Variants in COPG2 observed in about 807,000 individuals in gnomAD.
COPG2 encodes coat protein complex I subunit gamma 2.
In COPG2, 37 loss-of-function variants were observed where a neutral mutation model predicts 46.3. That is an observed-to-expected ratio of 0.80 (90% CI 0.61 to 1.05). The LOEUF (loss-of-function observed/expected upper bound fraction) is 1.05, where lower values mean the gene tolerates loss of function less well. Among genes scored for constraint, COPG2 ranks in the 50% least tolerant of loss-of-function variants. The pLI, the probability that COPG2 is intolerant of heterozygous loss-of-function variation, is 0.00. For missense variants in COPG2, 427 were observed against 387.8 expected (o/e 1.10, Z -0.85); for synonymous variants, 159 against 129.7 (o/e 1.23, Z -1.53).
chr7:130,599,392 A>T (rs1554450069), intron 9 of COPG2, among the ~76,000 whole-genome samples: 1 of 152,172 alleles, frequency 6.6e-6, no homozygotes, highest in Non-Finnish European at 1.5e-5. Context: ...ACTAAGTCAC[A>T]CACCCATTGG....
chr7:130,579,863 A>G (rs1440611843), intron 9 of COPG2, among the ~76,000 whole-genome samples: 1 of 152,306 alleles, frequency 6.6e-6, no homozygotes, highest in African/African-American at 2.4e-5. Flanking sequence ...GAGTAACCTA[A>G]AAAGAGACTT....
chr7:130,570,063 A>G (rs1406167998), intron 9 of COPG2, among the ~76,000 whole-genome samples: 2 of 152,222 alleles, frequency 1.3e-5, no homozygotes, highest in African/African-American at 4.8e-5. Flanking sequence ...CCTTAAAGTA[A>G]TAAAAGCCAT....
chr7:130,586,528 T>C (rs368121940), intron 9 of COPG2, among the ~76,000 whole-genome samples: 45 of 152,174 alleles, frequency 3.0e-4, no homozygotes, highest in African/African-American at 9.1e-4. Flanking sequence ...AGTGGCGCTA[T>C]CTCGGCTCAC....
At chr7:130,578,723 C>T (rs558223597) in intron 9 of COPG2, among the ~76,000 whole-genome samples, 3 of 151,974 alleles carry the variant, frequency 2.0e-5, no homozygotes, top group Non-Finnish European at 4.4e-5. Flanking sequence ...GGAGCCAATG[C>T]GATCAACTGG....
Position 130,554,735 on chromosome 7 carries a change from A to G in COPG2, c.1225-11T>C. On this transcript the variant is annotated splice_polypyrimidine_tract_variant and intron_variant, in intron 13 of 23. Transcript: ENST00000425248. ...GTACTCAAAGCCTCCCTGGCAAAAA[A>G]GAAGATAAAACTGCCATTCATTCTA... 2.5e-6 allele frequency: 1 copy of G among 398,638 alleles called. No individual in the cohort carries two copies. Among genetic ancestry groups the G allele is most frequent in the Admixed American group, 4.4e-5 (1 of 22,734 alleles). 24.7% of individuals were successfully genotyped at this position (398,638 alleles called of 1,614,324 possible). A position where few individuals can be genotyped will look rare whatever the true frequency, so the allele number is the denominator to read the frequency against.
chr7:130,597,791 T>A (rs782794607), intron 9 of COPG2, among the ~76,000 whole-genome samples: 1 of 152,214 alleles, frequency 6.6e-6, no homozygotes, highest in Non-Finnish European at 1.5e-5. Flanking sequence ...AACCCAATAT[T>A]GATGCTGGCC....
At chr7:130,653,340 G>A (rs992580692) in intron 4 of COPG2, among the ~76,000 whole-genome samples, 5 of 152,250 alleles carry the variant, frequency 3.3e-5, no homozygotes, top group Middle Eastern at 6.8e-3. Context: ...CACAACCTCC[G>A]CCTCCGGGGT....
intron 11 of COPG2, among the ~76,000 whole-genome samples, chr7:130,561,597 C>G (rs1793722612): frequency 1.3e-5 from 2 of 152,308 alleles, no homozygotes; most frequent in Non-Finnish European, 2.9e-5. Flanking sequence ...AATATCTTAT[C>G]AGTTAAAAAA....
At chr7:130,510,487 A>G (rs192579288) in intron 20 of COPG2, among the ~76,000 whole-genome samples, 4 of 152,280 alleles carry the variant, frequency 2.6e-5, no homozygotes, top group Admixed American at 2.6e-4. Context: ...GAGTCAGGAG[A>G]GACATTAATT....
chr7:130,583,088 G>A (rs1554447451), intron 9 of COPG2, among the ~76,000 whole-genome samples: 1 of 150,826 alleles, frequency 6.6e-6, no homozygotes, highest in African/African-American at 2.4e-5. Flanking sequence ...CAAAGACTTG[G>A]AACCAACCCA....
At chr7:130,666,240 C>T (rs1249693635) in intron 3 of COPG2, among the ~76,000 whole-genome samples, 2 of 152,172 alleles carry the variant, frequency 1.3e-5, no homozygotes, top group African/African-American at 2.4e-5. Flanking sequence ...AGCTTTAAAA[C>T]ATCATTACAC....
At chr7:130,554,822 T>C (rs1325356621) in intron 13 of COPG2, 98 bp from the exon 14 acceptor site, 4 of 397,876 alleles carry the variant, frequency 1.0e-5, no homozygotes, top group Admixed American at 4.4e-5. Flanking sequence ...TCAAATTTCA[T>C]TTCCCACCTT....
At chr7:130,554,176 G>A (rs996586670) in intron 14 of COPG2, among the ~76,000 whole-genome samples, 2,282 of 151,052 alleles carry the variant, frequency 0.015, 60 homozygotes, top group African/African-American at 0.053. Context: ...AGGAAAAGTC[G>A]CTTAAAAATA....
intron 9 of COPG2, among the ~76,000 whole-genome samples, chr7:130,590,528 G>A (rs567984909): frequency 3.3e-5 from 5 of 152,284 alleles, no homozygotes; most frequent in African/African-American, 1.2e-4. Flanking sequence ...GAGGTGCCGG[G>A]ATGGCAGACG....
chr7:130,528,408 T>C (rs2116355222), intron 20 of COPG2, among the ~76,000 whole-genome samples: 1 of 151,954 alleles, frequency 6.6e-6, no homozygotes, highest in African/African-American at 2.4e-5. Context: ...CACTGGGATG[T>C]GGACACTGAT....
intron 5 of COPG2, among the ~76,000 whole-genome samples, chr7:130,636,334 A>G (rs1795336109): frequency 1.3e-5 from 2 of 152,050 alleles, no homozygotes; most frequent in Admixed American, 6.5e-5. Context: ...ATTGTGTGGG[A>G]GTCTAGGTCT....
At chr7:130,592,625 T>A (rs1794454038) in intron 9 of COPG2, among the ~76,000 whole-genome samples, 1 of 152,102 alleles carries the variant, frequency 6.6e-6, no homozygotes, top group Admixed American at 6.5e-5. Flanking sequence ...GTATCTTTTT[T>A]AAAAAATATA....
In COPG2 at chr7:130,613,610, T is replaced by C; in HGVS notation, c.426A>G (p.Arg142=). The C allele has an allele frequency of 1.2e-6, 2 of 1,601,078 alleles. No homozygotes were observed. Among genetic ancestry groups the C allele is most frequent in the Non-Finnish European group, 1.7e-6 (2 of 1,172,874 alleles). Residue 142 remains arginine (R), a synonymous_variant, in exon 7 of 24, where the codon AGA becomes AGG. Coordinates refer to ENST00000425248, the MANE Select transcript of COPG2 (RefSeq NM_012133.6). ...TATCCACAATGGCCTGCTTCATGTA[T>C]CTTTCAATGGCTTGCAACATTGTTC... ...TDGTMLQAIE[R]YMKQAIVDKV...
intron 19 of COPG2, 111 bp from the exon 20 acceptor site, chr7:130,547,956 G>A (rs1352291594): frequency 5.8e-5 from 23 of 397,444 alleles, no homozygotes; most frequent in African/African-American, 4.5e-4. Context: ...TACAGAGCAG[G>A]GTAGGTCTCC....
Sources: allele counts gnomAD v4.1 joint callset (sites outside exome capture counted in the v4.1 genomes callset), GRCh38; gene constraint gnomAD v4.1.1; transcripts MANE v1.5; gene names NCBI Gene and HGNC (gene_info 2026-07-23, HGNC 2026-07-21).